FOXJ3: variants seen among roughly 807,000 people sequenced by gnomAD.
FOXJ3 encodes forkhead box J3.
A neutral mutation model predicts 76.1 loss-of-function variants in FOXJ3; 22 were observed. The observed-to-expected ratio is 0.29, with a 90% CI of 0.21 to 0.41. The LOEUF is 0.41. Among genes scored for constraint, FOXJ3 ranks in the 10% least tolerant of loss-of-function variants. The pLI, the probability that FOXJ3 is intolerant of heterozygous loss-of-function variation, is 1.00. For missense variants in FOXJ3, 613 were observed against 762.1 expected (o/e 0.80, Z 2.30); for synonymous variants, 269 against 261.2 (o/e 1.03, Z -0.29).
intron 2 of FOXJ3, among the ~76,000 whole-genome samples, chr1:42,298,352 T>C (rs1291153287): frequency 6.6e-6 from 1 of 152,224 alleles, no homozygotes; most frequent in Non-Finnish European, 1.5e-5. Flanking sequence ...TTGTTACTTG[T>C]TATTGGTCTG....
Position 42,324,100 on chromosome 1 carries a change from C to CAG in FOXJ3, c.-18+10958_-18+10959insCT, listed in dbSNP as rs1294775572. Among the ~76,000 whole-genome samples the CAG allele has an allele frequency of 3.6e-3, 209 of 57,262 alleles. 18 individuals carry two copies. Among genetic ancestry groups the CAG allele is most frequent in the East Asian group, 0.01 (21 of 2,016 alleles). The allele number at this position is 57,262 out of a possible 152,430, so 37.6% of individuals were successfully genotyped here. A position where few individuals can be genotyped will look rare whatever the true frequency, so the allele number is the denominator to read the frequency against. ...ATATAGTATATATACTGTATATATA[C>CAG]TGTGTATATACACTGTATATACACA... On this transcript the variant is annotated intron_variant, in intron 1 of 12. Coordinates refer to ENST00000361346, the MANE Select transcript of FOXJ3 (RefSeq NM_014947.5).
intron 5 of FOXJ3, among the ~76,000 whole-genome samples, chr1:42,216,552 GT>G (rs1157203597): frequency 6.6e-6 from 1 of 151,642 alleles, no homozygotes; most frequent in Non-Finnish European, 1.5e-5. Flanking sequence ...TTCCTCTTAA[GT>G]TTAAAAAGTC....
At chr1:42,242,030 A>G (rs370178431) in intron 4 of FOXJ3, among the ~76,000 whole-genome samples, 2 of 152,184 alleles carry the variant, frequency 1.3e-5, no homozygotes, top group African/African-American at 4.8e-5. Flanking sequence ...TGAAGAAATC[A>G]TATGGAGACT....
chr1:42,232,739 T>C (rs1285509416), intron 4 of FOXJ3, among the ~76,000 whole-genome samples: 2 of 152,348 alleles, frequency 1.3e-5, no homozygotes, highest in African/African-American at 2.4e-5. Context: ...TCCCATTCTG[T>C]AGGCTGCCTG....
chr1:42,247,735 A>T (rs1238832521), intron 4 of FOXJ3, among the ~76,000 whole-genome samples: 1 of 152,224 alleles, frequency 6.6e-6, no homozygotes, highest in Non-Finnish European at 1.5e-5. Flanking sequence ...ATGACCCAGC[A>T]ATTCCATTCC....
intron 4 of FOXJ3, among the ~76,000 whole-genome samples, chr1:42,235,104 G>A (rs770127069): frequency 7.9e-5 from 12 of 152,182 alleles, no homozygotes; most frequent in Admixed American, 3.3e-4. Context: ...AGGCAATAAC[G>A]GGCGCCCCTC....
chr1:42,291,486 T>C (rs7539485), intron 2 of FOXJ3, among the ~76,000 whole-genome samples: 101,512 of 151,988 alleles, frequency 0.67, 35,586 homozygotes, highest in Admixed American at 0.78. Flanking sequence ...TTGCAAAGCA[T>C]ATATCTTAAA....
chr1:42,217,877 T>C (rs1034440891), intron 5 of FOXJ3, among the ~76,000 whole-genome samples: 3 of 152,182 alleles, frequency 2.0e-5, no homozygotes, highest in African/African-American at 2.4e-5. Context: ...TATCCCTCAA[T>C]AGTGTTGTAA....
intron 5 of FOXJ3, among the ~76,000 whole-genome samples, chr1:42,220,626 T>G (rs1007292300): frequency 1.3e-5 from 2 of 152,110 alleles, no homozygotes; most frequent in African/African-American, 4.8e-5. Flanking sequence ...GAAGCATCAC[T>G]CAATTAATGA....
At chr1:42,250,653 C>T (rs1485610396) in intron 4 of FOXJ3, among the ~76,000 whole-genome samples, 1 of 151,884 alleles carries the variant, frequency 6.6e-6, no homozygotes, top group African/African-American at 2.4e-5. Context: ...CCCGTCTCTA[C>T]TAAAAATACA....
chr1:42,266,891 T>A (rs542847232), intron 3 of FOXJ3, among the ~76,000 whole-genome samples: 3 of 152,174 alleles, frequency 2.0e-5, no homozygotes, highest in Non-Finnish European at 4.4e-5. Context: ...AAAACCCTGG[T>A]GCCTCTAGGA....
chr1:42,188,674 C>T, intron 11 of FOXJ3, 63 bp downstream of exon 11: 1 of 1,141,300 alleles, frequency 8.8e-7, no homozygotes, highest in Non-Finnish European at 1.2e-6. Flanking sequence ...TTGGTTAAGA[C>T]AGTTACTAAA....
intron 3 of FOXJ3, 32 bp downstream of exon 3, chr1:42,278,315 TC>T: frequency 7.1e-7 from 1 of 1,401,542 alleles, no homozygotes; most frequent in Non-Finnish European, 1.0e-6. Context: ...ATTGCTTACT[TC>T]ATAAAAGTAA....
intron 4 of FOXJ3, among the ~76,000 whole-genome samples, chr1:42,229,753 T>C (rs1390210482): frequency 6.6e-6 from 1 of 152,186 alleles, no homozygotes; most frequent in Non-Finnish European, 1.5e-5. Flanking sequence ...GGGAATAGGT[T>C]TGGCTAGCAA....
intron 3 of FOXJ3, among the ~76,000 whole-genome samples, chr1:42,269,484 C>T (rs1651713456): frequency 1.3e-5 from 2 of 152,124 alleles, no homozygotes; most frequent in South Asian, 4.1e-4. Flanking sequence ...CATCTGCTGC[C>T]TAGCCAATCT....
intron 3 of FOXJ3, among the ~76,000 whole-genome samples, chr1:42,268,607 G>A (rs181993562): frequency 6.6e-6 from 1 of 152,232 alleles, no homozygotes. Context: ...TTATTACGGA[G>A]TTTGGAACCA....
intron 4 of FOXJ3, among the ~76,000 whole-genome samples, chr1:42,241,498 T>G (rs1221987812): frequency 6.6e-6 from 1 of 152,158 alleles, no homozygotes; most frequent in Non-Finnish European, 1.5e-5. Context: ...CAAAGCACAC[T>G]GCCTAGGGGA....
At chr1:42,283,820 C>A (rs1652882288) in intron 2 of FOXJ3, among the ~76,000 whole-genome samples, 1 of 152,220 alleles carries the variant, frequency 6.6e-6, no homozygotes, top group African/African-American at 2.4e-5. Flanking sequence ...GGGACTATGG[C>A]AGAGACTCCT....
At chr1:42,251,865 C>T (rs1278415336) in intron 4 of FOXJ3, among the ~76,000 whole-genome samples, 1 of 151,698 alleles carries the variant, frequency 6.6e-6, no homozygotes, top group Non-Finnish European at 1.5e-5. Context: ...ACTACAGGCG[C>T]GCGCCACCAT....
Sources: allele counts gnomAD v4.1 joint callset (sites outside exome capture counted in the v4.1 genomes callset), GRCh38; gene constraint gnomAD v4.1.1; transcripts MANE v1.5; gene names NCBI Gene and HGNC (gene_info 2026-07-23, HGNC 2026-07-21).